DAG1: variants seen among roughly 807,000 people sequenced by gnomAD.
The protein encoded by DAG1 is dystroglycan 1 (dystrophin-associated glycoprotein 1).
Under a neutral mutation model 46.1 loss-of-function variants are expected in DAG1, and 8 were observed. That is an observed-to-expected ratio of 0.17 (90% CI 0.10 to 0.31). The LOEUF (loss-of-function observed/expected upper bound fraction) is 0.31, where lower values mean the gene tolerates loss of function less well. Among genes scored for constraint, DAG1 ranks in the 10% least tolerant of loss-of-function variants. The pLI, the probability that DAG1 is intolerant of heterozygous loss-of-function variation, is 1.00. For synonymous variants in DAG1, 495 were observed against 481.8 expected (o/e 1.03, Z -0.36); for missense variants, 1,003 against 1,189.9 (o/e 0.84, Z 2.31).
chr3:49,483,344 T>TA (rs1379923880), intron 1 of DAG1, among the ~76,000 whole-genome samples: 1 of 151,822 alleles, frequency 6.6e-6, no homozygotes, highest in African/African-American at 2.4e-5. Flanking sequence ...GCTGGAATGA[T>TA]ACACCATGCG....
At position 49,533,164 on chromosome 3, in the gene DAG1, C is replaced by T; in HGVS notation, c.2653C>T (p.Pro885Ser). ...GKGSRPKNMT[P>S]YRSPPPYVPP is the part of the protein sequence containing the mutation. ...GGGCTCCCGTCCCAAGAACATGACCCCATACCGGTCACCTCCTCCCTATGT... is the reference window on the plus strand; with the variant it reads ...GGGCTCCCGTCCCAAGAACATGACCTCATACCGGTCACCTCCTCCCTATGT... Residue 885 changes from proline to serine, a missense_variant, in exon 3 of 3, where the codon CCA (proline) becomes TCA (serine). Around this residue, in one of 3 missense-constraint regions of DAG1, gnomAD observed 755 missense variants for 854.1 expected, o/e 0.88. Transcript: ENST00000308775. The T allele has an allele frequency of 1.2e-6, 2 of 1,613,968 alleles. No homozygotes were observed. The highest frequency in any genetic ancestry group is 1.1e-5 in the South Asian group (1 of 91,088).
intron 2 of DAG1, among the ~76,000 whole-genome samples, chr3:49,520,078 C>A (rs1041179099): frequency 6.6e-6 from 1 of 152,192 alleles, no homozygotes; most frequent in African/African-American, 2.4e-5. Flanking sequence ...GTGGGTGTGA[C>A]TCTGCTAAGG....
intron 2 of DAG1, among the ~76,000 whole-genome samples, chr3:49,513,720 G>A (rs2050821996): frequency 1.3e-5 from 2 of 152,158 alleles, no homozygotes; most frequent in African/African-American, 4.8e-5. Flanking sequence ...CTCACATGTA[G>A]CAGTTCACAG....
intron 1 of DAG1, among the ~76,000 whole-genome samples, chr3:49,481,398 A>G (rs2049878247): frequency 7.1e-4 from 1 of 1,410 alleles, no homozygotes; most frequent in African/African-American, 8.6e-4. Flanking sequence ...CTCTGCCTCA[A>G]AAAAAAAAAA....
intron 1 of DAG1, among the ~76,000 whole-genome samples, chr3:49,503,357 C>A (rs1447916190): frequency 6.6e-6 from 1 of 152,190 alleles, no homozygotes; most frequent in Non-Finnish European, 1.5e-5. Flanking sequence ...TACTGCTATT[C>A]AGGTTTTCTT....
Position 49,532,657 on chromosome 3 carries a change from C to T in DAG1, c.2146C>T (p.Leu716=), listed in dbSNP as rs749746303. 1 of 1,614,188 alleles carries T rather than the reference C, an allele frequency of 6.2e-7. No individual in the cohort carries two copies. The highest frequency in any genetic ancestry group is 1.1e-5 in the South Asian group (1 of 91,092). Residue 716 remains leucine (L), a synonymous_variant, in exon 3 of 3, where the codon CTA becomes TTA. Transcript: ENST00000308775. This position sits in a 1 kb window ranked among gnomAD's most constrained non-coding sequence, Gnocchi z 5.4. ...GACGGGCTCTGGCAGTTGTCGGCAC[C>T]TACAGTTTATCCCTGTGGTACCACC... ...TVTGSGSCRH[L]QFIPVVPPRR... is the part of the protein sequence containing the mutation.
Position 49,528,275 on chromosome 3 carries a change from A to ATTTTTTTTTTTTTTTTTTTTTTTTT in DAG1, c.286-2519_286-2495dup, listed in dbSNP as rs147292984. Among the ~76,000 whole-genome samples the ATTTTTTTTTTTTTTTTTTTTTTTTT allele has an allele frequency of 5.9e-4, 39 of 66,628 alleles. 9 individuals are homozygous for ATTTTTTTTTTTTTTTTTTTTTTTTT. The highest frequency in any genetic ancestry group is 1.7e-3 in the African/African-American group (25 of 14,516). The allele number at this position is 66,628 out of a possible 152,430, so 43.7% of individuals were successfully genotyped here. On this transcript the variant is annotated intron_variant, in intron 2 of 2. Coordinates refer to ENST00000308775, the MANE Select transcript of DAG1 (RefSeq NM_004393.6). ...CAGCCAAAACATTTGAAATAGTGTGATTTTTTTTTTTTTTTTTTTTTTTTT... is the reference window on the plus strand; with the variant it reads ...CAGCCAAAACATTTGAAATAGTGTGATTTTTTTTTTTTTTTTTTTTTTTTTTTTTTTTTTTTTTTTTTTTTTTTTT...
intron 2 of DAG1, among the ~76,000 whole-genome samples, chr3:49,525,582 G>T (rs1202707587): frequency 6.6e-6 from 1 of 150,472 alleles, no homozygotes; most frequent in Non-Finnish European, 1.5e-5. Flanking sequence ...TTTTGAGACG[G>T]AATCTCGCTC....
chr3:49,502,660 A>ACGC (rs1055021882), intron 1 of DAG1, among the ~76,000 whole-genome samples: 4 of 135,122 alleles, frequency 3.0e-5, no homozygotes, highest in African/African-American at 1.1e-4. Flanking sequence ...TTTTTTTGAG[A>ACGC]CGGAGTCTTG....
At chr3:49,485,898 T>G (rs1449031303) in intron 1 of DAG1, among the ~76,000 whole-genome samples, 2 of 152,108 alleles carry the variant, frequency 1.3e-5, no homozygotes, top group Non-Finnish European at 2.9e-5. Context: ...TAGCCTCAGG[T>G]GATCCTCTCA....
At chr3:49,477,701 C>T (rs578165292) in intron 1 of DAG1, among the ~76,000 whole-genome samples, 2 of 152,300 alleles carry the variant, frequency 1.3e-5, no homozygotes, top group Admixed American at 6.5e-5. Flanking sequence ...GTGGCTCACA[C>T]CTATAATCCC....
chr3:49,527,380 C>T (rs1575405906), intron 2 of DAG1, among the ~76,000 whole-genome samples: 1 of 152,156 alleles, frequency 6.6e-6, no homozygotes, highest in African/African-American at 2.4e-5. Context: ...AAAAATTAGC[C>T]GGGCACGGTG....
chr3:49,516,137 C>T (rs1201679927), intron 2 of DAG1, among the ~76,000 whole-genome samples: 1 of 152,164 alleles, frequency 6.6e-6, no homozygotes, highest in Non-Finnish European at 1.5e-5. Context: ...CTGTTGGAGC[C>T]CTTTCCTTCC....
chr3:49,481,880 C>G (rs992435387), intron 1 of DAG1, among the ~76,000 whole-genome samples: 9 of 152,130 alleles, frequency 5.9e-5, no homozygotes, highest in Non-Finnish European at 8.8e-5. Context: ...TTTTCTGTAT[C>G]TATAGGTTCC....
chr3:49,470,898 C>T (rs752650987), intron 1 of DAG1: 2 of 152,290 alleles, frequency 1.3e-5, no homozygotes, highest in African/African-American at 2.4e-5. Context: ...TGGTGGGTTC[C>T]GTCATCCTTA....
chr3:49,524,038 A>G (rs2051105058), intron 2 of DAG1, among the ~76,000 whole-genome samples: 1 of 152,192 alleles, frequency 6.6e-6, no homozygotes, highest in South Asian at 2.1e-4. Flanking sequence ...AGGATCTGAG[A>G]AGAAGAGAAG....
intron 1 of DAG1, among the ~76,000 whole-genome samples, chr3:49,477,438 C>A (rs2049714000): frequency 1.3e-5 from 2 of 152,138 alleles, no homozygotes; most frequent in African/African-American, 4.8e-5. Context: ...ACTACAGGGG[C>A]ATGTCACCAT....
intron 1 of DAG1, among the ~76,000 whole-genome samples, chr3:49,508,613 T>C (rs1490898841): frequency 6.6e-6 from 1 of 152,196 alleles, no homozygotes; most frequent in Non-Finnish European, 1.5e-5. Context: ...TTGGCCAGGC[T>C]GGTCTTGAAC....
At chr3:49,479,063 T>C (rs1575340107) in intron 1 of DAG1, among the ~76,000 whole-genome samples, 1 of 151,940 alleles carries the variant, frequency 6.6e-6, no homozygotes, top group East Asian at 1.9e-4. Flanking sequence ...CACCTCAGCC[T>C]CCCAAAGTGC....
Sources: allele counts gnomAD v4.1 joint callset (sites outside exome capture counted in the v4.1 genomes callset), GRCh38; gene constraint gnomAD v4.1.1; regional missense constraint gnomAD v4.1.1; non-coding constraint Gnocchi (gnomAD v3.1); transcripts MANE v1.5; gene names NCBI Gene and HGNC (gene_info 2026-07-23, HGNC 2026-07-21).